Variants in MECOM observed in about 807,000 individuals in gnomAD.
MECOM encodes the protein histone-lysine N-methyltransferase MECOM.
A neutral mutation model predicts 116.3 loss-of-function variants in MECOM; 13 were observed. The ratio of observed to expected loss-of-function variants is 0.11; its 90% CI spans 0.07 to 0.18. The LOEUF is 0.18. Ranked by LOEUF, MECOM falls within the 10% of genes least tolerant of loss-of-function variation. The pLI, the probability that MECOM is intolerant of heterozygous loss-of-function variation, is 1.00. For synonymous variants in MECOM, 528 were observed against 535.2 expected (o/e 0.99, Z 0.19); for missense variants, 1,299 against 1,509.0 (o/e 0.86, Z 2.31).
intron 2 of MECOM, among the ~76,000 whole-genome samples, chr3:169,285,644 T>C (rs908961780): frequency 6.6e-6 from 1 of 152,140 alleles, no homozygotes; most frequent in Non-Finnish European, 1.5e-5. Context: ...TCAAACAATA[T>C]TGTGAAAAAT....
chr3:169,457,616 G>A (rs1746749173), intron 1 of MECOM, among the ~76,000 whole-genome samples: 2 of 152,104 alleles, frequency 1.3e-5, no homozygotes. Context: ...CTCCATAACT[G>A]TATTTTGAGG....
chr3:169,542,035 G>A (rs1241746307), intron 1 of MECOM, among the ~76,000 whole-genome samples: 1 of 152,116 alleles, frequency 6.6e-6, no homozygotes, highest in Non-Finnish European at 1.5e-5. Context: ...ATGTTAAAAC[G>A]TATTTCTACT....
intron 2 of MECOM, among the ~76,000 whole-genome samples, chr3:169,350,455 T>C (rs927198607): frequency 6.6e-6 from 1 of 151,786 alleles, no homozygotes; most frequent in African/African-American, 2.4e-5. Context: ...AAAGATTGAG[T>C]CTTCGAGATT....
intron 2 of MECOM, among the ~76,000 whole-genome samples, chr3:169,350,599 A>G (rs1413900732): frequency 1.3e-5 from 2 of 152,036 alleles, no homozygotes; most frequent in Non-Finnish European, 2.9e-5. Context: ...AGTACAAAAT[A>G]GGTACAGTAT....
At chr3:169,586,270 A>T (rs1765764993) in intron 1 of MECOM, among the ~76,000 whole-genome samples, 1 of 152,226 alleles carries the variant, frequency 6.6e-6, no homozygotes, top group South Asian at 2.1e-4. Flanking sequence ...ATTTTTTTAC[A>T]TTATAAACCA....
intron 2 of MECOM, among the ~76,000 whole-genome samples, chr3:169,195,974 T>C (rs1748361784): frequency 6.6e-6 from 1 of 152,078 alleles, no homozygotes; most frequent in Non-Finnish European, 1.5e-5. Context: ...AACTTTACCA[T>C]AGTCTGCTGA....
chr3:169,588,338 G>C (rs1209962455), intron 1 of MECOM, among the ~76,000 whole-genome samples: 1 of 152,124 alleles, frequency 6.6e-6, no homozygotes, highest in Non-Finnish European at 1.5e-5. Flanking sequence ...TTTTGCCATA[G>C]AGATTTTTGT....
chr3:169,397,531 A>G (rs549823739), intron 1 of MECOM, among the ~76,000 whole-genome samples: 38 of 152,202 alleles, frequency 2.5e-4, no homozygotes, highest in Non-Finnish European at 4.9e-4. Flanking sequence ...TTCAAAAACA[A>G]TGTGTGCTTT....
chr3:169,388,625 T>A (rs1456143273), intron 1 of MECOM, among the ~76,000 whole-genome samples: 1 of 152,102 alleles, frequency 6.6e-6, no homozygotes, highest in Non-Finnish European at 1.5e-5. Context: ...AGACATTGAA[T>A]AGAATGGGAA....
chr3:169,395,450 C>A (rs1734876998), intron 1 of MECOM, among the ~76,000 whole-genome samples: 1 of 152,016 alleles, frequency 6.6e-6, no homozygotes, highest in Non-Finnish European at 1.5e-5. Context: ...TAAAAATGCC[C>A]CACTGAAGAA....
rs113956725 is a variant in MECOM at position 169,354,254 on chromosome 3, T to C, written c.375+26933A>G. ...ATAAGTTCATATTCACAGCATATTT[T>C]TGACTCACACTAACAATAATCCCAG... On this transcript the variant is annotated intron_variant, in intron 2 of 16. Transcript: ENST00000651503. Among the ~76,000 whole-genome samples the C allele has an allele frequency of 6.5e-4, 99 of 151,970 alleles. 2 individuals carry two copies. The highest frequency in any genetic ancestry group is 2.3e-3 in the African/African-American group (96 of 41,524).
intron 9 of MECOM, among the ~76,000 whole-genome samples, chr3:169,111,018 T>G (rs781057352): frequency 9.9e-5 from 15 of 152,214 alleles, no homozygotes; most frequent in Admixed American, 2.0e-4. Context: ...ATATACCTAC[T>G]ACATTGCTAA....
intron 1 of MECOM, among the ~76,000 whole-genome samples, chr3:169,517,645 G>A (rs1432350900): frequency 1.3e-5 from 2 of 152,246 alleles, no homozygotes; most frequent in Non-Finnish European, 1.5e-5. Flanking sequence ...TAGAATGACT[G>A]CTATTTTCTA....
At chr3:169,426,005 C>G (rs911423002) in intron 1 of MECOM, among the ~76,000 whole-genome samples, 1 of 152,004 alleles carries the variant, frequency 6.6e-6, no homozygotes, top group African/African-American at 2.4e-5. Context: ...TGAGGGTGAG[C>G]CTGTGTATTA....
intron 2 of MECOM, among the ~76,000 whole-genome samples, chr3:169,374,990 C>T (rs1469844178): frequency 6.6e-6 from 1 of 151,798 alleles, no homozygotes; most frequent in African/African-American, 2.4e-5. Flanking sequence ...TACCACCAAA[C>T]TACTCCAGCC....
At chr3:169,534,967 C>T (rs1171575723) in intron 1 of MECOM, among the ~76,000 whole-genome samples, 1 of 152,180 alleles carries the variant, frequency 6.6e-6, no homozygotes, top group Admixed American at 6.5e-5. Context: ...AGGGAAATGT[C>T]GTTGTCCCCA....
At chr3:169,251,179 G>C (rs1298637105) in intron 2 of MECOM, among the ~76,000 whole-genome samples, 1 of 152,098 alleles carries the variant, frequency 6.6e-6, no homozygotes, top group African/African-American at 2.4e-5. Context: ...TCTACTCTGG[G>C]GACATTTGGT....
At chr3:169,191,738 AAGAGAAAGAAAGAAAGAAAGAAAG>A (rs1747656903) in intron 2 of MECOM, among the ~76,000 whole-genome samples, 1 of 43,516 alleles carries the variant, frequency 2.3e-5, no homozygotes, top group African/African-American at 5.4e-5. Context: ...GAAAGAAAGA[AAGAGAAAGAAAGAAAGAAAGAAAG>A]AAAGAAAGAA....
At chr3:169,395,663 T>C (rs1734914378) in intron 1 of MECOM, among the ~76,000 whole-genome samples, 1 of 152,356 alleles carries the variant, frequency 6.6e-6, no homozygotes, top group South Asian at 2.1e-4. Flanking sequence ...AAAAAGTCTC[T>C]ACATGGATAA....
Sources: allele counts gnomAD v4.1 joint callset (sites outside exome capture counted in the v4.1 genomes callset), GRCh38; gene constraint gnomAD v4.1.1; transcripts MANE v1.5; gene names NCBI Gene and HGNC (gene_info 2026-07-23, HGNC 2026-07-21).